CYLD: variants seen among roughly 807,000 people sequenced by gnomAD.
CYLD encodes ubiquitin carboxyl-terminal hydrolase CYLD.
CYLD carries 26 observed loss-of-function variants against 104.5 expected under a neutral mutation model. That is an observed-to-expected ratio of 0.25 (90% CI 0.18 to 0.35). CYLD has a LOEUF of 0.35. CYLD is among the 10% of genes least tolerant of loss of function. The pLI, the probability that CYLD is intolerant of heterozygous loss-of-function variation, is 1.00. For missense variants in CYLD, 703 were observed against 1,136.1 expected (o/e 0.62, Z 5.48); for synonymous variants, 385 against 399.9 (o/e 0.96, Z 0.45).
At chr16:50,791,972 AC>A (rs1971476055) in intron 15 of CYLD, among the ~76,000 whole-genome samples, 1 of 152,224 alleles carries the variant, frequency 6.6e-6, no homozygotes, top group South Asian at 2.1e-4. Flanking sequence ...AAGGAGACTT[AC>A]GTTTTTTAAA....
In CYLD at chr16:50,797,206, T is replaced by G. The variant is rs541975303; in HGVS notation, c.*698T>G. The G allele has an allele frequency of 1.8e-3, 415 of 233,004 alleles. 2 individuals are homozygous for G. Among genetic ancestry groups the G allele is most frequent in the Non-Finnish European group, 3.0e-3 (349 of 117,894 alleles). 14.4% of individuals were successfully genotyped at this position (233,004 alleles called of 1,614,324 possible). On this transcript the variant is annotated 3_prime_UTR_variant, in exon 19 of 19. Coordinates refer to ENST00000427738, the MANE Select transcript of CYLD (RefSeq NM_001378743.1). The stretch of plus-strand genomic sequence containing the variant: ...CCTGGAGGATTAGGGTATTTAGCAG[T>G]TGAAGCTCTTCATTCATAGTAGTTA...
At chr16:50,767,736 A>G (rs1025109218) in intron 5 of CYLD, among the ~76,000 whole-genome samples, 2 of 152,194 alleles carry the variant, frequency 1.3e-5, no homozygotes, top group Non-Finnish European at 2.9e-5. Context: ...AGTTGGCTGT[A>G]GAATAAATAC....
At chr16:50,778,099 C>T (rs1049631783) in intron 8 of CYLD, 158 bp downstream of exon 8, 15 of 587,770 alleles carry the variant, frequency 2.6e-5, no homozygotes, top group South Asian at 1.1e-4. Flanking sequence ...CAGTTTGAAC[C>T]GTACTGCTGT....
At chr16:50,742,911 G>GGGGGGGGGGGCCC in intron 2 of CYLD, 70 bp downstream of exon 2, 1 of 150,342 alleles carries the variant, frequency 6.7e-6, no homozygotes, top group Non-Finnish European at 1.4e-5. Context: ...GGGGGCGGGG[G>GGGGGGGGGGGCCC]CGAAGTCATG....
intron 4 of CYLD, 103 bp downstream of exon 4, chr16:50,752,009 CA>C: frequency 5.2e-6 from 1 of 193,726 alleles, no homozygotes; most frequent in Non-Finnish European, 8.4e-6. Flanking sequence ...TATATACACA[CA>C]TATATATGTA....
At chr16:50,771,340 C>T (rs1301747947) in intron 5 of CYLD, among the ~76,000 whole-genome samples, 3 of 149,808 alleles carry the variant, frequency 2.0e-5, no homozygotes, top group African/African-American at 4.8e-5. Flanking sequence ...AAAATCAGTA[C>T]TCTAACCTTC....
At chr16:50,786,997 A>T (rs750956550) in intron 13 of CYLD, 51 bp downstream of exon 13, 17 of 1,397,140 alleles carry the variant, frequency 1.2e-5, no homozygotes, top group Non-Finnish European at 1.7e-5. Flanking sequence ...GCATATTCAC[A>T]TGTCAAAGTA....
intron 5 of CYLD, 158 bp downstream of exon 5, chr16:50,754,582 G>A (rs1005240164): frequency 1.6e-6 from 1 of 622,922 alleles, no homozygotes; most frequent in African/African-American, 1.8e-5. Flanking sequence ...CGTCACCCGA[G>A]AAGTATACTC....
At chr16:50,789,128 G>A (rs1236861253) in intron 14 of CYLD, among the ~76,000 whole-genome samples, 7 of 152,178 alleles carry the variant, frequency 4.6e-5, no homozygotes, top group Non-Finnish European at 7.4e-5. Context: ...CTTTAAAATA[G>A]TGTGTGATAC....
At chr16:50,758,790 C>T (rs1225196438) in intron 5 of CYLD, among the ~76,000 whole-genome samples, 3 of 151,930 alleles carry the variant, frequency 2.0e-5, no homozygotes, top group Non-Finnish European at 2.9e-5. Flanking sequence ...GAAGAGCATG[C>T]GTCGGGGAGT....
rs766017861 is a variant in CYLD at position 50,792,584 on chromosome 16, G to T, written c.2242-13G>T. The T allele has an allele frequency of 6.4e-7, 1 of 1,561,578 alleles. No homozygotes were observed. The highest frequency in any genetic ancestry group is 8.8e-7 in the Non-Finnish European group (1 of 1,135,240). The stretch of plus-strand genomic sequence containing the variant: ...TAACACTTTGATTCTAAAAATATCT[G>T]TCTTTTTTATAGGCACCATCATGTC... On this transcript the variant is annotated splice_polypyrimidine_tract_variant and intron_variant, in intron 15 of 18. Coordinates refer to ENST00000427738, the MANE Select transcript of CYLD (RefSeq NM_001378743.1).
chr16:50,784,252 C>A, intron 11 of CYLD, 77 bp from the exon 12 acceptor site: 1 of 1,485,784 alleles, frequency 6.7e-7, no homozygotes, highest in Non-Finnish European at 9.3e-7. Flanking sequence ...TTATTTTCCT[C>A]TTCTAATTCT....
chr16:50,754,724 A>G (rs1405759886), intron 5 of CYLD, among the ~76,000 whole-genome samples: 1 of 151,248 alleles, frequency 6.6e-6, no homozygotes, highest in African/African-American at 2.4e-5. Flanking sequence ...GAGAACATAC[A>G]GTGTTTGGCT....
At chr16:50,772,135 CTT>C (rs1969220811) in intron 5 of CYLD, among the ~76,000 whole-genome samples, 1 of 152,122 alleles carries the variant, frequency 6.6e-6, no homozygotes, top group Non-Finnish European at 1.5e-5. Context: ...CTGTATATAA[CTT>C]TGGGGAGAAT....
chr16:50,750,604 CG>C (rs1966539772), intron 3 of CYLD, among the ~76,000 whole-genome samples: 1 of 151,876 alleles, frequency 6.6e-6, no homozygotes, highest in Admixed American at 6.6e-5. Flanking sequence ...TGATGAATTG[CG>C]AAGATGTAAA....
At chr16:50,763,491 G>A (rs985410857) in intron 5 of CYLD, among the ~76,000 whole-genome samples, 2 of 152,118 alleles carry the variant, frequency 1.3e-5, no homozygotes, top group African/African-American at 4.8e-5. Flanking sequence ...CCTACTAGCA[G>A]TGTGTAAGCG....
chr16:50,749,506 C>A, intron 2 of CYLD, 70 bp from the exon 3 acceptor site: 1 of 606,880 alleles, frequency 1.6e-6, no homozygotes, highest in South Asian at 2.1e-5. Flanking sequence ...AATTTTCAGT[C>A]ATGTAGAATG....
chr16:50,784,627 ATTTC>A, intron 12 of CYLD, 176 bp downstream of exon 12: 1 of 641,448 alleles, frequency 1.6e-6, no homozygotes, highest in Non-Finnish European at 2.6e-6. Flanking sequence ...TGCTTATTTA[ATTTC>A]TTAAATGTGG....
At position 50,801,265 on chromosome 16, in the gene CYLD, C is replaced by T. The variant is rs1006353581; in HGVS notation, c.*4757C>T. On this transcript the variant is annotated 3_prime_UTR_variant, in exon 19 of 19. Coordinates refer to ENST00000427738, the MANE Select transcript of CYLD (RefSeq NM_001378743.1). ...TGGGAAAGGAAGGTCCTCCTCCTCC[C>T]TGATTGTAGCATCCAGCAGTCTCTG... 4.3e-6 allele frequency: 1 copy of T among 233,470 alleles called. No homozygotes were observed. Among genetic ancestry groups the T allele is most frequent in the Non-Finnish European group, 8.5e-6 (1 of 118,064 alleles). The allele number at this position is 233,470 out of a possible 1,614,324, so 14.5% of individuals were successfully genotyped here. A position where few individuals can be genotyped will look rare whatever the true frequency, so the allele number is the denominator to read the frequency against.
Sources: allele counts gnomAD v4.1 joint callset (sites outside exome capture counted in the v4.1 genomes callset), GRCh38; gene constraint gnomAD v4.1.1; transcripts MANE v1.5; gene names NCBI Gene and HGNC (gene_info 2026-07-23, HGNC 2026-07-21).